The following GRSF1 variants were observed in gnomAD, a reference collection of about 807,000 sequenced individuals.
GRSF1 encodes the protein G-rich sequence factor 1.
Under a neutral mutation model 51.1 loss-of-function variants are expected in GRSF1, and 50 were observed. The observed-to-expected ratio is 0.98, with a 90% confidence interval of 0.78 to 1.24. The LOEUF is 1.24. GRSF1 is among the 50% of genes most tolerant of loss of function. GRSF1 has a pLI of 0.00. For missense variants in GRSF1, 700 were observed against 639.7 expected (o/e 1.09, Z -1.02); for synonymous variants, 293 against 253.3 (o/e 1.16, Z -1.49).
chr4:70,833,362 CA>C, intron 2 of GRSF1, 89 bp from the exon 3 acceptor site: 1 of 1,117,470 alleles, frequency 8.9e-7, no homozygotes, highest in South Asian at 1.5e-5. Flanking sequence ...TTTCCAACAA[CA>C]AAGCAGGAAA....
intron 9 of GRSF1, among the ~76,000 whole-genome samples, chr4:70,822,307 G>C (rs531403812): frequency 1.3e-5 from 2 of 152,234 alleles, no homozygotes; most frequent in South Asian, 4.1e-4. Flanking sequence ...AAATGGCTGG[G>C]CGTGGTGGCT....
At position 70,816,396 on chromosome 4, in the gene GRSF1, A is replaced by T. The variant is rs1193134918; in HGVS notation, c.*4491T>A. The T allele has an allele frequency of 8.6e-5, 13 of 151,608 alleles. No homozygotes were observed. The East Asian group carries it at 2.5e-3, about 29-fold the overall frequency. The allele number at this position is 151,608 out of a possible 1,614,324, so 9.4% of individuals were successfully genotyped here. Reference sequence around the variant, plus strand: ...AACCTCATCAAATGATACACTTAACATTTATTCACCTTACTGCAAATCTCC... The same window carrying T: ...AACCTCATCAAATGATACACTTAACTTTTATTCACCTTACTGCAAATCTCC... On this transcript the variant is annotated 3_prime_UTR_variant, in exon 10 of 10. Coordinates refer to ENST00000254799, the MANE Select transcript of GRSF1 (RefSeq NM_002092.4).
At chr4:70,828,736 ATTTTT>A (rs35686810) in intron 5 of GRSF1, among the ~76,000 whole-genome samples, 39 of 133,296 alleles carry the variant, frequency 2.9e-4, no homozygotes, top group Middle Eastern at 3.8e-3. Context: ...CACACTGCTA[ATTTTT>A]TTTTTTTTTT....
chr4:70,838,167 CG>C (rs1306839626), intron 1 of GRSF1, among the ~76,000 whole-genome samples: 1 of 133,038 alleles, frequency 7.5e-6, no homozygotes, highest in Non-Finnish European at 1.5e-5. Context: ...TGCAGTGAGC[CG>C]AGATCATTCC....
chr4:70,816,919 T>G lies in GRSF1; in HGVS notation c.*3968A>C, dbSNP rs1188092566. The G allele has an allele frequency of 6.6e-6, 1 of 152,224 alleles. No homozygotes were observed. Among genetic ancestry groups the G allele is most frequent in the Non-Finnish European group, 1.5e-5 (1 of 68,046 alleles). The allele number at this position is 152,224 out of a possible 1,614,324, so 9.4% of individuals were successfully genotyped here. A position where few individuals can be genotyped will look rare whatever the true frequency, so the allele number is the denominator to read the frequency against. On this transcript the variant is annotated 3_prime_UTR_variant, in exon 10 of 10. Coordinates refer to ENST00000254799, the MANE Select transcript of GRSF1 (RefSeq NM_002092.4). ...GGGTATTGGCATCACCAAGATTTTA[T>G]ATACTGACAGAAAATGATCTTTAGG...
intron 9 of GRSF1, among the ~76,000 whole-genome samples, chr4:70,823,711 A>C (rs1472072518): frequency 6.6e-6 from 1 of 151,892 alleles, no homozygotes; most frequent in Non-Finnish European, 1.5e-5. Flanking sequence ...CTCTACAAAA[A>C]ATTAAAAAAT....
intron 1 of GRSF1, chr4:70,838,988 A>T (rs114808668): frequency 2.3e-6 from 1 of 440,286 alleles, no homozygotes; most frequent in Non-Finnish European, 3.9e-6. Context: ...AAGCCAGCCC[A>T]CGCAACTGTG....
intron 5 of GRSF1, among the ~76,000 whole-genome samples, chr4:70,829,052 TTTTTTTA>T (rs879709168): frequency 1.1e-4 from 17 of 151,906 alleles, no homozygotes; most frequent in Non-Finnish European, 2.1e-4. Context: ...ACACTGCTAA[TTTTTTTA>T]TTTTTTATTT....
intron 5 of GRSF1, 80 bp downstream of exon 5, chr4:70,831,459 T>C: frequency 7.9e-7 from 1 of 1,272,476 alleles, no homozygotes; most frequent in East Asian, 2.4e-5. Context: ...TTTGGATAAC[T>C]TTTCAGTCAT....
intron 7 of GRSF1, chr4:70,825,862 G>A: frequency 2.9e-6 from 1 of 347,908 alleles, no homozygotes; most frequent in Middle Eastern, 8.7e-4. Context: ...AACCCGGGAG[G>A]CAGAGGTTGC....
rs753745895 is a variant in GRSF1, at chr4:70,831,645, T to C, written c.844A>G (p.Met282Val). Residue 282 changes from methionine (M) to valine (V), a missense_variant, in exon 5 of 10, where the codon ATG (methionine) becomes GTG (valine). Transcript: ENST00000254799. ...GTTTTTCGCCTCCCTCTATAGTCCA[T>C]CACAAAAGTAATGTCAACTATATTC... ...GLNIVDITFV[M>V]DYRGRRKTGE... 2 of 1,613,528 alleles carry C rather than the reference T, an allele frequency of 1.2e-6. No individual in the cohort carries two copies. The highest frequency in any genetic ancestry group is 2.2e-5 in the East Asian group (1 of 44,864).
rs895333874 is a variant in GRSF1, at chr4:70,818,474, G to C, written c.*2413C>G. The C allele has an allele frequency of 7.2e-5, 11 of 152,172 alleles. No individual in the cohort carries two copies. The highest frequency in any genetic ancestry group is 1.9e-4 in the African/African-American group (8 of 41,442). 9.4% of individuals were successfully genotyped at this position (152,172 alleles called of 1,614,324 possible). A position where few individuals can be genotyped will look rare whatever the true frequency, so the allele number is the denominator to read the frequency against. On this transcript the variant is annotated 3_prime_UTR_variant, in exon 10 of 10. Coordinates refer to ENST00000254799, the MANE Select transcript of GRSF1 (RefSeq NM_002092.4). ...TCCCCCTTCAAGTAACACAGAAGTA[G>C]TGAGAATTTGGAGCCTTCCTCCCAG... is the stretch of plus-strand genomic sequence containing the variant.
chr4:70,839,387 A>T, intron 1 of GRSF1, 84 bp downstream of exon 1: 2 of 1,507,164 alleles, frequency 1.3e-6, no homozygotes. Context: ...CGCGAGGCGC[A>T]CACGGAGGGA....
Position 70,831,638 on chromosome 4 carries a change from T to G in GRSF1, c.851A>C (p.Tyr284Ser), listed in dbSNP as rs373824099. Reference sequence around the variant, plus strand: ...TTCCCCTGTTTTTCGCCTCCCTCTATAGTCCATCACAAAAGTAATGTCAAC... The same window carrying G: ...TTCCCCTGTTTTTCGCCTCCCTCTAGAGTCCATCACAAAAGTAATGTCAAC... ...NIVDITFVMD[Y>S]RGRRKTGEAY... is the part of the protein sequence containing the mutation. The change falls in exon 5 of 10, where the codon TAT (tyrosine) becomes TCT (serine). Residue 284 changes from tyrosine to serine, a missense_variant. Tyr to Ser is a moderately radical substitution (Grantham distance 144). Transcript: ENST00000254799. The G allele has an allele frequency of 6.2e-7, 1 of 1,613,468 alleles. No individual in the cohort carries two copies. Among genetic ancestry groups the G allele is most frequent in the African/African-American group, 1.3e-5 (1 of 74,926 alleles).
chr4:70,820,920 T>C (rs1186742136), intron 9 of GRSF1, 59 bp from the exon 10 acceptor site: 1 of 152,498 alleles, frequency 6.6e-6, no homozygotes, highest in Non-Finnish European at 1.5e-5. Flanking sequence ...ATGGCACACA[T>C]TCCCATACCA....
rs960016988 is a variant in GRSF1 at position 70,836,254 on chromosome 4, A to C, written c.418T>G (p.Ser140Ala). The change falls in exon 2 of 10, where the codon TCC becomes GCC. Residue 140 changes from serine (S) to alanine (A), a missense_variant. Ser to Ala is a moderately conservative substitution (Grantham distance 99). Coordinates refer to ENST00000254799, the MANE Select transcript of GRSF1 (RefSeq NM_002092.4). Reference sequence around the variant, plus strand: ...TCATCCACTTCCTCTTCTAACTTGGACGGGGCCAATTCATACTCAGGGGGT... The same window carrying C: ...TCATCCACTTCCTCTTCTAACTTGGCCGGGGCCAATTCATACTCAGGGGGT... The part of the protein sequence containing the change: ...PPPPEYELAP[S>A]KLEEEVDDVF... 2 of 1,609,884 alleles carry C rather than the reference A, an allele frequency of 1.2e-6. No individual in the cohort carries two copies. Among genetic ancestry groups the C allele is most frequent in the African/African-American group, 2.7e-5 (2 of 74,726 alleles).
At chr4:70,830,906 T>A (rs1733938667) in intron 5 of GRSF1, among the ~76,000 whole-genome samples, 1 of 152,128 alleles carries the variant, frequency 6.6e-6, no homozygotes, top group African/African-American at 2.4e-5. Flanking sequence ...GCTAACAGTG[T>A]TAGATATAAC....
chr4:70,827,870 C>T lies in GRSF1; in HGVS notation c.1117G>A (p.Glu373Lys). The change falls in exon 6 of 10, where the codon GAA becomes AAA. Residue 373 changes from glutamate to lysine, a missense_variant. Physicochemically the swap from Glu to Lys is moderately conservative, Grantham distance 56. Coordinates refer to ENST00000254799, the MANE Select transcript of GRSF1 (RefSeq NM_002092.4). ...ACCTTACCTATTTCCTTCTCACTTT[C>T]AAAAGCTGTCATGGGTTGAATATCC... is the stretch of plus-strand genomic sequence containing the variant. ...NEDIQPMTAF[E>K]SEKEIELPKE... 6.2e-7 allele frequency: 1 copy of T among 1,611,332 alleles called. No homozygotes were observed. The highest frequency in any genetic ancestry group is 1.1e-5 in the South Asian group (1 of 90,600).
chr4:70,824,669 G>A (rs1733662871), intron 8 of GRSF1, among the ~76,000 whole-genome samples: 1 of 152,128 alleles, frequency 6.6e-6, no homozygotes, highest in Non-Finnish European at 1.5e-5. Context: ...TATAGTCCCA[G>A]CTACTCGGGA....
Sources: gnomAD v4.1 joint callset for allele counts (sites outside exome capture counted in the v4.1 genomes callset) on GRCh38, gnomAD v4.1.1 for gene constraint, MANE v1.5 for transcripts, NCBI Gene and HGNC (gene_info 2026-07-23, HGNC 2026-07-21) for gene names.